Variants in QTMAN observed in about 807,000 individuals in gnomAD.
QTMAN encodes the protein queuosine-tRNA mannosyltransferase, also known as tRNA-queuosine alpha-mannosyltransferase.
chr2:144,022,560 CTTTTTTTTTTT>C, the QTMAN span, among the ~76,000 whole-genome samples: 2 of 104,244 alleles, frequency 1.9e-5, no homozygotes, highest in African/African-American at 4.3e-5. Flanking sequence ...CTCTCTCTCT[CTTTTTTTTTTT>C]TTTTTTTTTT....
chr2:143,979,856 T>C, the QTMAN span, among the ~76,000 whole-genome samples: 1 of 152,234 alleles, frequency 6.6e-6, no homozygotes, highest in African/African-American at 2.4e-5. Context: ...TAGCTCTTTC[T>C]GTAACATTCA....
At chr2:144,048,479 G>A in the QTMAN span, among the ~76,000 whole-genome samples, 53 of 152,068 alleles carry the variant, frequency 3.5e-4, no homozygotes, top group Admixed American at 3.3e-4. Flanking sequence ...AGAGTGGTGG[G>A]GCTGTGTGGA....
chr2:144,203,320 T>A, the QTMAN span, among the ~76,000 whole-genome samples: 13 of 152,172 alleles, frequency 8.5e-5, no homozygotes, highest in Non-Finnish European at 8.8e-5. Flanking sequence ...CCTATTTCAG[T>A]AGATTTGTGG....
At chr2:144,003,579 C>T in the QTMAN span, among the ~76,000 whole-genome samples, 1 of 152,002 alleles carries the variant, frequency 6.6e-6, no homozygotes, top group Non-Finnish European at 1.5e-5. Flanking sequence ...GAGAACCCAG[C>T]AACTCTGCTA....
the QTMAN span, among the ~76,000 whole-genome samples, chr2:144,043,838 A>G: frequency 5.9e-5 from 9 of 152,312 alleles, no homozygotes; most frequent in Admixed American, 3.3e-4. Flanking sequence ...ACATTTATGC[A>G]GCAATATCTG....
the QTMAN span, among the ~76,000 whole-genome samples, chr2:144,065,224 A>C: frequency 6.6e-6 from 1 of 152,190 alleles, no homozygotes; most frequent in African/African-American, 2.4e-5. Context: ...TCAGGTGTCA[A>C]ATCAAATCAA....
the QTMAN span, among the ~76,000 whole-genome samples, chr2:144,064,967 G>C: frequency 1.3e-5 from 2 of 152,184 alleles, no homozygotes; most frequent in Non-Finnish European, 1.5e-5. Flanking sequence ...GCAGAGTCCA[G>C]AGCAAGGGCC....
the QTMAN span, among the ~76,000 whole-genome samples, chr2:144,184,121 A>G: frequency 6.6e-6 from 1 of 152,112 alleles, no homozygotes; most frequent in East Asian, 1.9e-4. Context: ...ATCCTTATTT[A>G]AAATAGGAGT....
At chr2:144,261,353 A>G in the QTMAN span, among the ~76,000 whole-genome samples, 2 of 152,212 alleles carry the variant, frequency 1.3e-5, no homozygotes, top group African/African-American at 4.8e-5. Flanking sequence ...ATGATATTTA[A>G]GCAAAAATAA....
At chr2:144,301,517 C>T in the QTMAN span, among the ~76,000 whole-genome samples, 17 of 152,350 alleles carry the variant, frequency 1.1e-4, no homozygotes, top group Non-Finnish European at 1.9e-4. Flanking sequence ...GCCACCGCAC[C>T]AGGCCTTGTA....
At chr2:144,119,933 T>C in the QTMAN span, among the ~76,000 whole-genome samples, 1 of 152,108 alleles carries the variant, frequency 6.6e-6, no homozygotes, top group Non-Finnish European at 1.5e-5. Context: ...AATATAAAAT[T>C]AATTCATAAA....
the QTMAN span, among the ~76,000 whole-genome samples, chr2:144,036,139 A>G: frequency 6.6e-6 from 1 of 152,212 alleles, no homozygotes; most frequent in East Asian, 1.9e-4. Flanking sequence ...CTTTATGAGA[A>G]AAATAGTTCC....
At chr2:143,984,059 C>T in the QTMAN span, among the ~76,000 whole-genome samples, 1 of 152,150 alleles carries the variant, frequency 6.6e-6, no homozygotes, top group East Asian at 1.9e-4. Context: ...ATACTTGACC[C>T]AAATGTTAAT....
At chr2:144,272,492 T>C in the QTMAN span, among the ~76,000 whole-genome samples, 6 of 152,134 alleles carry the variant, frequency 3.9e-5, no homozygotes, top group African/African-American at 1.4e-4. Flanking sequence ...ACTGATCTAA[T>C]TACATGCCAA....
the QTMAN span, among the ~76,000 whole-genome samples, chr2:144,212,674 T>A: frequency 6.6e-6 from 1 of 152,210 alleles, no homozygotes; most frequent in African/African-American, 2.4e-5. Flanking sequence ...TGAAAGAGCA[T>A]ATAAAATATT....
the QTMAN span, among the ~76,000 whole-genome samples, chr2:144,090,470 A>G: frequency 6.6e-6 from 1 of 152,070 alleles, no homozygotes; most frequent in African/African-American, 2.4e-5. Flanking sequence ...AAAATCTGAT[A>G]AAATCTACAA....
At chr2:144,081,547 G>C in the QTMAN span, among the ~76,000 whole-genome samples, 3 of 152,190 alleles carry the variant, frequency 2.0e-5, no homozygotes, top group South Asian at 6.2e-4. Flanking sequence ...ACAGTTCACA[G>C]GGCTTGTACA....
At chr2:144,263,132 A>G in the QTMAN span, among the ~76,000 whole-genome samples, 4 of 151,718 alleles carry the variant, frequency 2.6e-5, no homozygotes, top group Non-Finnish European at 5.9e-5. Context: ...GTACACAGCA[A>G]GTTTTCAGGA....
chr2:144,040,003 A>G, the QTMAN span, among the ~76,000 whole-genome samples: 1 of 152,208 alleles, frequency 6.6e-6, no homozygotes, highest in Non-Finnish European at 1.5e-5. Context: ...ACTTTGTCAG[A>G]GTAATAAAAA....
Sources: allele counts gnomAD v4.1 joint callset (sites outside exome capture counted in the v4.1 genomes callset), GRCh38; gene constraint gnomAD v4.1.1; transcripts MANE v1.5; gene names NCBI Gene and HGNC (gene_info 2026-07-23, HGNC 2026-07-21).